The following NAV3 variants were observed in gnomAD, a reference collection of about 807,000 sequenced individuals.
NAV3 encodes the protein pore membrane and/or filament interacting like protein 1.
NAV3 carries 87 observed loss-of-function variants against 244.7 expected under a neutral mutation model. The ratio of observed to expected loss-of-function variants is 0.36; its 90% confidence interval spans 0.30 to 0.42. The LOEUF is 0.42. NAV3 is among the 20% of genes least tolerant of loss of function. The pLI is 1.00. For missense variants in NAV3, 2,663 were observed against 2,893.3 expected (o/e 0.92, Z 1.83); for synonymous variants, 1,126 against 1,042.2 (o/e 1.08, Z -1.55).
At chr12:78,118,867 A>T (rs1392386169) in intron 14 of NAV3, among the ~76,000 whole-genome samples, 2 of 152,242 alleles carry the variant, frequency 1.3e-5, no homozygotes, top group Non-Finnish European at 2.9e-5. Context: ...TGCCACCTGA[A>T]GCACTAATTA....
chr12:78,115,510 T>A (rs913658007), intron 12 of NAV3, among the ~76,000 whole-genome samples: 3 of 152,202 alleles, frequency 2.0e-5, no homozygotes, highest in Non-Finnish European at 4.4e-5. Context: ...TAAATGAAGG[T>A]GCTGTGTTAG....
chr12:77,627,460 G>A (rs1022296285), intron 2 of NAV3, among the ~76,000 whole-genome samples: 2 of 152,156 alleles, frequency 1.3e-5, no homozygotes, highest in African/African-American at 2.4e-5. Context: ...TACAAAGATC[G>A]CTGGAGACTA....
At chr12:77,880,074 T>C (rs1448666123) in intron 1 of NAV3, among the ~76,000 whole-genome samples, 1 of 152,208 alleles carries the variant, frequency 6.6e-6, no homozygotes, top group Non-Finnish European at 1.5e-5. Context: ...GCAGTAGTGA[T>C]GATTAATGAG....
At chr12:77,729,917 A>G (rs1877047896) in intron 2 of NAV3, among the ~76,000 whole-genome samples, 1 of 152,018 alleles carries the variant, frequency 6.6e-6, no homozygotes, top group Non-Finnish European at 1.5e-5. Context: ...TGCTATATCC[A>G]AGATTTAGCT....
chr12:77,904,827 C>T (rs1885783982), intron 1 of NAV3, among the ~76,000 whole-genome samples: 1 of 151,954 alleles, frequency 6.6e-6, no homozygotes, highest in Admixed American at 6.6e-5. Context: ...GTTTTCATGA[C>T]TTTTTCATTA....
intron 11 of NAV3, among the ~76,000 whole-genome samples, chr12:78,054,248 G>T (rs1883169715): frequency 6.6e-6 from 1 of 152,124 alleles, no homozygotes; most frequent in Non-Finnish European, 1.5e-5. Flanking sequence ...AAATTATTCA[G>T]TAAACTTGCA....
intron 19 of NAV3, 64 bp from the exon 20 acceptor site, chr12:78,140,218 A>G: frequency 7.2e-7 from 1 of 1,384,428 alleles, no homozygotes; most frequent in Non-Finnish European, 1.0e-6. Context: ...CTTTTTCTGT[A>G]AAGGCTGGAA....
Position 77,914,310 on chromosome 12 carries a change from G to C in NAV3, c.244-26009G>C, listed in dbSNP as rs566943654. ...TTATTCACACGTCAGGCAGTCCATC[G>C]GTCAATCATTTGAGAATGTGCAAGA... On this transcript the variant is annotated intron_variant, in intron 1 of 39. Coordinates refer to ENST00000397909, the MANE Select transcript of NAV3 (RefSeq NM_001024383.2). Among the ~76,000 whole-genome samples the C allele has an allele frequency of 1.3e-4, 20 of 152,056 alleles. No homozygotes were observed. The South Asian group carries it at 2.9e-3, about 22-fold the overall frequency.
chr12:77,837,303 A>G (rs896922833), intron 1 of NAV3, among the ~76,000 whole-genome samples: 4 of 151,962 alleles, frequency 2.6e-5, no homozygotes, highest in African/African-American at 9.7e-5. Flanking sequence ...TAAATGAAGC[A>G]TAATATTTAT....
chr12:78,055,252 GCACACATATGTGTA>G (rs1200745392), intron 11 of NAV3, among the ~76,000 whole-genome samples: 5 of 3,714 alleles, frequency 1.3e-3, no homozygotes, highest in African/African-American at 2.1e-3. Flanking sequence ...ACATATATAT[GCACACATATGTGTA>G]TATATACATA....
chr12:77,638,334 G>C (rs923199055), intron 2 of NAV3, among the ~76,000 whole-genome samples: 3 of 150,384 alleles, frequency 2.0e-5, no homozygotes, highest in South Asian at 2.1e-4. Flanking sequence ...CCTGAAGAAA[G>C]ATAGGCTTTG....
At chr12:77,854,274 T>C (rs750005004) in intron 1 of NAV3, among the ~76,000 whole-genome samples, 4 of 152,190 alleles carry the variant, frequency 2.6e-5, no homozygotes, top group Non-Finnish European at 5.9e-5. Context: ...GCAGCCTGTT[T>C]CTGTTGATTC....
chr12:77,813,447 T>C (rs1592706043), intron 2 of NAV3, among the ~76,000 whole-genome samples: 1 of 152,294 alleles, frequency 6.6e-6, no homozygotes, highest in East Asian at 1.9e-4. Flanking sequence ...AAATCTGGAA[T>C]TGATCTTAGA....
At chr12:78,190,709 T>G (rs1478444034) in intron 34 of NAV3, among the ~76,000 whole-genome samples, 1 of 152,120 alleles carries the variant, frequency 6.6e-6, no homozygotes, top group African/African-American at 2.4e-5. Context: ...TTTGCTTATG[T>G]CACATCTCCC....
intron 1 of NAV3, among the ~76,000 whole-genome samples, chr12:77,877,015 GTA>G (rs1881934644): frequency 6.6e-6 from 1 of 151,996 alleles, no homozygotes; most frequent in Admixed American, 6.6e-5. Flanking sequence ...ACAAAACATT[GTA>G]TATGTTCCTT....
At chr12:78,161,179 C>T (rs899166372) in intron 23 of NAV3, among the ~76,000 whole-genome samples, 4 of 152,030 alleles carry the variant, frequency 2.6e-5, no homozygotes, top group Admixed American at 6.6e-5. Flanking sequence ...CTCAAATTCA[C>T]CTTCTTAAAA....
Position 77,691,329 on chromosome 12 carries a change from G to GTATATATATATATATATATATA in NAV3, c.72+119066_72+119067insATATATATATATATATATATAT, listed in dbSNP as rs1350161105. On this transcript the variant is annotated intron_variant, in intron 2 of 8. Coordinates refer to the NAV3 transcript ENST00000550042. ...TATATAGTCATATATAAGTATTTGT[G>GTATATATATATATATATATATA]TATGTGTGTATATATATATATATAT... Among the ~76,000 whole-genome samples, 7 of 66,698 alleles carry GTATATATATATATATATATATA rather than the reference G, an allele frequency of 1.0e-4. 3 individuals are homozygous for GTATATATATATATATATATATA. Among genetic ancestry groups the GTATATATATATATATATATATA allele is most frequent in the South Asian group, 1.2e-3 (2 of 1,730 alleles). The allele number at this position is 66,698 out of a possible 152,430, so 43.8% of individuals were successfully genotyped here. A position where few individuals can be genotyped will look rare whatever the true frequency, so the allele number is the denominator to read the frequency against.
At chr12:77,875,517 C>T (rs1725964) in intron 1 of NAV3, among the ~76,000 whole-genome samples, 22,615 of 151,836 alleles carry the variant, frequency 0.15, 1,881 homozygotes, top group African/African-American at 0.23. Context: ...ACTGTGTTCT[C>T]GGTTCCTGAA....
At chr12:77,650,809 T>C (rs1407819820) in intron 2 of NAV3, among the ~76,000 whole-genome samples, 1 of 152,084 alleles carries the variant, frequency 6.6e-6, no homozygotes, top group Non-Finnish European at 1.5e-5. Flanking sequence ...AACAGACTTA[T>C]GAAGATCATA....
Sources: gnomAD v4.1 joint callset for allele counts (sites outside exome capture counted in the v4.1 genomes callset) on GRCh38, gnomAD v4.1.1 for gene constraint, MANE v1.5 for transcripts, NCBI Gene and HGNC (gene_info 2026-07-23, HGNC 2026-07-21) for gene names.